PRG2: variants seen among roughly 807,000 people sequenced by gnomAD.
PRG2 encodes bone marrow proteoglycan.
PRG2 carries 23 observed loss-of-function variants against 24.7 expected under a neutral mutation model. The ratio of observed to expected loss-of-function variants is 0.93; its 90% CI spans 0.67 to 1.32. PRG2 has a LOEUF of 1.32. Ranked by LOEUF, PRG2 falls within the 40% of genes most tolerant of loss-of-function variation. The pLI is 0.00. For missense variants in PRG2, 271 were observed against 280.9 expected (o/e 0.96, Z 0.25); for synonymous variants, 104 against 99.8 (o/e 1.04, Z -0.25).
At chr11:57,389,639 A>G (rs1350315260) in intron 2 of PRG2, among the ~76,000 whole-genome samples, 1 of 152,216 alleles carries the variant, frequency 6.6e-6, no homozygotes. Context: ...GCACTCAGTA[A>G]GCTCAAAGTA....
intron 3 of PRG2, 28 bp from the exon 4 acceptor site, chr11:57,388,736 T>C (rs1250424316): frequency 6.2e-7 from 1 of 1,610,922 alleles, no homozygotes; most frequent in East Asian, 2.2e-5. Context: ...AGACAAAGAA[T>C]GGAGCATCCT....
intron 4 of PRG2, among the ~76,000 whole-genome samples, chr11:57,388,292 A>T (rs528227310): frequency 6.6e-6 from 1 of 152,076 alleles, no homozygotes; most frequent in South Asian, 2.1e-4. Context: ...CTCCTGCCTC[A>T]GCCTCCCAAG....
intron 4 of PRG2, 57 bp from the exon 5 acceptor site, chr11:57,387,922 C>A: frequency 7.6e-7 from 1 of 1,313,006 alleles, no homozygotes; most frequent in Non-Finnish European, 1.0e-6. Flanking sequence ...GAGAAGCAGA[C>A]CTGGCCCCGT....
intron 5 of PRG2, 34 bp from the exon 6 acceptor site, chr11:57,387,567 T>C (rs1350868629): frequency 6.3e-7 from 1 of 1,595,612 alleles, no homozygotes; most frequent in Admixed American, 1.7e-5. Context: ...ACTTTCAGCC[T>C]CTTGTCCATC....
In PRG2 at chr11:57,389,043, C is replaced by A. The variant is rs1484948322; in HGVS notation, c.333G>T (p.Leu111=). The A allele has an allele frequency of 1.2e-6, 2 of 1,613,998 alleles. No homozygotes were observed. Among genetic ancestry groups the A allele is most frequent in the African/African-American group, 2.7e-5 (2 of 74,928 alleles). Residue 111 remains leucine (L), a synonymous_variant, in exon 3 of 6, where the codon CTG becomes CTT. Transcript: ENST00000311862. ...IPGCQTCRYL[L]VRSLQTFSQA... is the part of the protein sequence containing the mutation. ...GACTAAACGTCTGAAGACTTCTCACCAGGAGGTAGCGGCAGGTCTGGCACC... is the reference window on the plus strand; with the variant it reads ...GACTAAACGTCTGAAGACTTCTCACAAGGAGGTAGCGGCAGGTCTGGCACC...
Position 57,387,584 on chromosome 11 carries a change from C to T in PRG2, c.611-51G>A, listed in dbSNP as rs371689417. 15 of 1,566,436 alleles carry T rather than the reference C, an allele frequency of 9.6e-6. No individual in the cohort carries two copies. In the African/African-American group the frequency reaches 2.0e-4, roughly 21 times the overall value. ...TTTCAGCCTCTTGTCCATCCCAACT[C>T]AACCCACAGGAGGGCCTCTTTTCCC... On this transcript the variant is annotated intron_variant, in intron 5 of 5. Coordinates refer to ENST00000311862, the MANE Select transcript of PRG2 (RefSeq NM_002728.6).
chr11:57,389,105 C>T lies in PRG2; in HGVS notation c.271G>A (p.Glu91Lys), dbSNP rs1410586253. 1 of 1,614,198 alleles carries T rather than the reference C, an allele frequency of 6.2e-7. No homozygotes were observed. The highest frequency in any genetic ancestry group is 1.1e-5 in the South Asian group (1 of 91,080). Residue 91 changes from glutamate to lysine, a missense_variant, in exon 3 of 6, where the codon GAG (glutamate) becomes AAG (lysine). By Grantham distance (56) the Glu-to-Lys change is moderately conservative. Transcript: ENST00000311862. The part of the protein sequence containing the change: ...DMVDKNLTCP[E>K]EEDTVKVVGI... ...ACCACTTTTACTGTGTCCTCTTCCT[C>T]AGGACACGTAAGGTTTTTGTCCACC...
At chr11:57,390,075 T>A (rs551186411) in intron 1 of PRG2, 119 bp from the exon 2 acceptor site, 9 of 807,802 alleles carry the variant, frequency 1.1e-5, no homozygotes, top group Non-Finnish European at 1.7e-5. Flanking sequence ...TGAATAGAAA[T>A]CAGGATGGGC....
At position 57,387,464 on chromosome 11, in the gene PRG2, C is replaced by A; in HGVS notation, c.*11G>T. The A allele has an allele frequency of 1.2e-6, 2 of 1,613,174 alleles. No individual in the cohort carries two copies. Among genetic ancestry groups the A allele is most frequent in the Non-Finnish European group, 1.7e-6 (2 of 1,179,446 alleles). On this transcript the variant is annotated 3_prime_UTR_variant, in exon 6 of 6. Coordinates refer to ENST00000311862, the MANE Select transcript of PRG2 (RefSeq NM_002728.6). ...GGAGAGGGCAGCTCTGAACTGCTGG[C>A]TGGGACCAGCTCAGTAGGAACAGAT...
chr11:57,387,598 G>A (rs918440115), intron 5 of PRG2, 65 bp from the exon 6 acceptor site: 7 of 1,514,798 alleles, frequency 4.6e-6, no homozygotes, highest in African/African-American at 2.7e-5. Context: ...CCACAGGAGG[G>A]CCTCTTTTCC....
chr11:57,386,806 T>C lies in PRG2; in HGVS notation c.*669A>G, dbSNP rs1322500437. 6.6e-6 allele frequency: 1 copy of C among 152,140 alleles called. No homozygotes were observed. The highest frequency in any genetic ancestry group is 1.9e-4 in the East Asian group (1 of 5,192). 9.4% of individuals were successfully genotyped at this position (152,140 alleles called of 1,614,324 possible). A position where few individuals can be genotyped will look rare whatever the true frequency, so the allele number is the denominator to read the frequency against. On this transcript the variant is annotated 3_prime_UTR_variant, in exon 6 of 6. Coordinates refer to ENST00000311862, the MANE Select transcript of PRG2 (RefSeq NM_002728.6). ...TGCGTACAAGTGTTTATTTGGGAGT[T>C]GCAGAGAGTAGGAAGGAGCAGAGAA...
chr11:57,387,909 G>A (rs746333986), intron 4 of PRG2, 44 bp from the exon 5 acceptor site: 4 of 1,404,832 alleles, frequency 2.8e-6, no homozygotes, highest in African/African-American at 2.9e-5. Flanking sequence ...CAGAGGGAAG[G>A]CAGAGAAGCA....
At position 57,389,074 on chromosome 11, in the gene PRG2, A is replaced by T; in HGVS notation, c.302T>A (p.Ile101Asn). ...EEEDTVKVVGIPGCQTCRYLL... is the reference protein window; with the variant it reads ...EEEDTVKVVGNPGCQTCRYLL... ...GTAGCGGCAGGTCTGGCACCCAGGG[A>T]TGCCCACCACTTTTACTGTGTCCTC... Residue 101 changes from isoleucine to asparagine, a missense_variant, in exon 3 of 6, where the codon ATC (isoleucine) becomes AAC (asparagine). Ile to Asn is a moderately radical substitution (Grantham distance 149, BLOSUM62 -3). Coordinates refer to ENST00000311862, the MANE Select transcript of PRG2 (RefSeq NM_002728.6). 6.2e-7 allele frequency: 1 copy of T among 1,614,176 alleles called. No homozygotes were observed. The highest frequency in any genetic ancestry group is 8.5e-7 in the Non-Finnish European group (1 of 1,180,032).
rs776507483 is a variant in PRG2, at chr11:57,387,073, G to A, written c.*402C>T. ...GGAGAGAGAGAGAGAAAAGGCCTTT[G>A]GTTACAGAGATGCAAACTGGGCCAT... On this transcript the variant is annotated 3_prime_UTR_variant, in exon 6 of 6. Transcript: ENST00000311862. 2.4e-4 allele frequency: 38 copies of A among 159,602 alleles called. No individual in the cohort carries two copies. The highest frequency in any genetic ancestry group is 3.1e-3 in the Middle Eastern group (1 of 320). The allele number at this position is 159,602 out of a possible 1,614,324, so 9.9% of individuals were successfully genotyped here.
Position 57,388,572 on chromosome 11 carries a change from C to A in PRG2, c.498+5G>T, listed in dbSNP as rs761571613. The A allele has an allele frequency of 3.1e-6, 5 of 1,613,708 alleles. No homozygotes were observed. The highest frequency in any genetic ancestry group is 4.2e-6 in the Non-Finnish European group (5 of 1,179,802). On this transcript the variant is annotated splice_donor_5th_base_variant and intron_variant, in intron 4 of 5. Coordinates refer to ENST00000311862, the MANE Select transcript of PRG2 (RefSeq NM_002728.6). ...CACCCCATTTAGTGTTCACACTTCT[C>A]TTACCGAGCCTGTGATCCTGCCTCC... is the stretch of plus-strand genomic sequence containing the variant.
Position 57,388,995 on chromosome 11 carries a change from C to A in PRG2, c.366+15G>T. On this transcript the variant is annotated intron_variant, in intron 3 of 5. Coordinates refer to ENST00000311862, the MANE Select transcript of PRG2 (RefSeq NM_002728.6). ...TTCCATGCTCCCACCTCAGCCTCAG[C>A]CATAGGCCACTCACCCAAGCTTGAC... 6.2e-7 allele frequency: 1 copy of A among 1,610,376 alleles called. No homozygotes were observed. The highest frequency in any genetic ancestry group is 8.5e-7 in the Non-Finnish European group (1 of 1,178,388).
chr11:57,387,435 C>T lies in PRG2; in HGVS notation c.*40G>A. On this transcript the variant is annotated 3_prime_UTR_variant, in exon 6 of 6. Coordinates refer to ENST00000311862, the MANE Select transcript of PRG2 (RefSeq NM_002728.6). ...GCAAGCAGAGGAGGGGAGGCAGCTG[C>T]CCAGGAGAGGGCAGCTCTGAACTGC... The T allele has an allele frequency of 1.3e-6, 2 of 1,583,938 alleles. No homozygotes were observed. Among genetic ancestry groups the T allele is most frequent in the Non-Finnish European group, 1.7e-6 (2 of 1,158,322 alleles).
intron 3 of PRG2, 143 bp from the exon 4 acceptor site, chr11:57,388,851 G>A: frequency 7.0e-7 from 1 of 1,423,914 alleles, no homozygotes; most frequent in Non-Finnish European, 9.4e-7. Flanking sequence ...TCTGTTTGTA[G>A]GTGGCCCTCC....
rs766686641 is a variant in PRG2 at position 57,389,890 on chromosome 11, G to A, written c.55C>T (p.Leu19=). 6.2e-7 allele frequency: 1 copy of A among 1,609,748 alleles called. No homozygotes were observed. Among genetic ancestry groups the A allele is most frequent in the South Asian group, 1.1e-5 (1 of 90,688 alleles). ...ACTGAAGGCAAAAAACACTTACTTA[G>A]ATGAAGAGCAGAAACTGCCCCAAAT... is the stretch of plus-strand genomic sequence containing the variant. ...LLFGAVSALH[L]RSETSTFETP... The change falls in exon 2 of 6, where the codon CTA becomes TTA. Residue 19 remains leucine, a synonymous_variant. Transcript: ENST00000311862.
Sources: allele counts gnomAD v4.1 joint callset (sites outside exome capture counted in the v4.1 genomes callset), GRCh38; gene constraint gnomAD v4.1.1; transcripts MANE v1.5; gene names NCBI Gene and HGNC (gene_info 2026-07-23, HGNC 2026-07-21).